Variants in TXLNG observed in about 807,000 individuals in gnomAD.
TXLNG encodes the protein gamma-taxilin.
In TXLNG, 5 loss-of-function variants were observed where a neutral mutation model predicts 38.8. The observed-to-expected ratio is 0.13, with a 90% CI of 0.07 to 0.27. TXLNG has a LOEUF of 0.27. TXLNG is among the 10% of genes least tolerant of loss of function. The pLI, the probability that TXLNG is intolerant of heterozygous loss-of-function variation, is 1.00. For missense variants in TXLNG, 393 were observed against 398.2 expected (o/e 0.99, Z 0.11); for synonymous variants, 182 against 158.2 (o/e 1.15, Z -1.13).
intron 8 of TXLNG, among the ~76,000 whole-genome samples, chrX:16,838,491 T>G (rs746425684): frequency 1.8e-5 from 2 of 112,190 alleles, no homozygotes; most frequent in South Asian, 7.3e-4. Context: ...GGACAAATTG[T>G]TAAACCTTTC....
chrX:16,828,162 A>G lies in TXLNG; in HGVS notation c.567A>G (p.Lys189=), dbSNP rs374635294. 57 of 1,209,903 alleles carry G rather than the reference A, an allele frequency of 4.7e-5. 1 individual carries two copies. The East Asian group carries it at 1.6e-3, about 35-fold the overall frequency. ...ILQKKQAQIV[K]EKVHLQSEHS... ...AGAAGAAGCAAGCCCAGATTGTGAA[A>G]GAGAAAGTTCACTTGCAGAGTGAAC... Residue 189 remains lysine (K), a synonymous_variant, in exon 4 of 10, where the codon AAA becomes AAG. Transcript: ENST00000380122.
intron 3 of TXLNG, among the ~76,000 whole-genome samples, chrX:16,823,458 CAAAAAAA>C (rs11311011): frequency 4.0e-5 from 1 of 24,959 alleles, no homozygotes; most frequent in African/African-American, 1.6e-4. Context: ...AACTCTGTCT[CAAAAAAA>C]AAAAAAAAAA....
At position 16,842,091 on chromosome X, in the gene TXLNG, G is replaced by A. The variant is rs1929870385; in HGVS notation, c.*325G>A. 1 of 187,750 alleles carries A rather than the reference G, an allele frequency of 5.3e-6. No individual in the cohort carries two copies. The highest frequency in any genetic ancestry group is 2.9e-5 in the African/African-American group (1 of 34,009). The allele number at this position is 187,750 out of a possible 1,213,427, so 15.5% of individuals were successfully genotyped here. On this transcript the variant is annotated 3_prime_UTR_variant, in exon 10 of 10. Transcript: ENST00000380122. ...CACTGACAGGGCCGACCATTACAAG[G>A]GAACTTTGTTCTGACGATGGTTCCT...
chrX:16,795,903 C>T (rs963930684), intron 1 of TXLNG, among the ~76,000 whole-genome samples: 1 of 107,915 alleles, frequency 9.3e-6, no homozygotes, highest in South Asian at 4.1e-4. Context: ...ACCTCTGCCT[C>T]CCGGGTTCAA....
At chrX:16,830,046 A>G (rs1349837885) in intron 5 of TXLNG, among the ~76,000 whole-genome samples, 1 of 111,318 alleles carries the variant, frequency 9.0e-6, no homozygotes. Flanking sequence ...CAATTTTCGC[A>G]TGTAGATTGT....
intron 1 of TXLNG, among the ~76,000 whole-genome samples, chrX:16,807,504 C>T (rs1489582531): frequency 1.8e-5 from 2 of 111,101 alleles, no homozygotes; most frequent in African/African-American, 6.5e-5. Flanking sequence ...TACTTAATCT[C>T]GTCAAGTCTC....
rs188013839 is a variant in TXLNG at position 16,798,963 on chromosome X, G to A, written c.102+12374G>A. Among the ~76,000 whole-genome samples the A allele has an allele frequency of 7.7e-3, 837 of 108,395 alleles. 12 individuals carry two copies. The highest frequency in any genetic ancestry group is 0.027 in the African/African-American group (812 of 29,761). 94.1% of individuals were successfully genotyped at this position (108,395 alleles called of 115,157 possible). A position where few individuals can be genotyped will look rare whatever the true frequency, so the allele number is the denominator to read the frequency against. ...GGCGCAATCTCAGCTCACCGCAACC[G>A]CTGCCTCCTGGGTTCAAGCGATTCT... On this transcript the variant is annotated intron_variant, in intron 1 of 9. Coordinates refer to ENST00000380122, the MANE Select transcript of TXLNG (RefSeq NM_018360.3).
At chrX:16,794,100 G>A (rs892517603) in intron 1 of TXLNG, among the ~76,000 whole-genome samples, 1 of 111,720 alleles carries the variant, frequency 9.0e-6, no homozygotes, top group African/African-American at 3.2e-5. Flanking sequence ...TGACAGGTTG[G>A]CCTCCCTATG....
intron 1 of TXLNG, among the ~76,000 whole-genome samples, chrX:16,804,300 G>A (rs1241959631): frequency 1.8e-5 from 2 of 112,003 alleles, no homozygotes; most frequent in African/African-American, 6.5e-5. Context: ...ACCTTGTATG[G>A]TTGGCCGTTA....
chrX:16,821,650 T>G (rs1278008513), intron 3 of TXLNG, among the ~76,000 whole-genome samples: 1 of 112,638 alleles, frequency 8.9e-6, no homozygotes, highest in Non-Finnish European at 1.9e-5. Flanking sequence ...GTTAATTCCA[T>G]ATCATAAGCC....
At chrX:16,805,136 G>A (rs959494874) in intron 1 of TXLNG, among the ~76,000 whole-genome samples, 12 of 107,127 alleles carry the variant, frequency 1.1e-4, no homozygotes, top group African/African-American at 2.4e-4. Context: ...GATGTGTGCC[G>A]TCACACACGG....
At chrX:16,834,608 C>T (rs997943109) in intron 7 of TXLNG, among the ~76,000 whole-genome samples, 5 of 111,415 alleles carry the variant, frequency 4.5e-5, no homozygotes, top group African/African-American at 1.6e-4. Flanking sequence ...GGAAATGCCC[C>T]GTCTCAGGCA....
intron 1 of TXLNG, among the ~76,000 whole-genome samples, chrX:16,792,714 A>G (rs1927745419): frequency 9.1e-6 from 1 of 109,340 alleles, no homozygotes; most frequent in Non-Finnish European, 1.9e-5. Flanking sequence ...CCAGGAGGTC[A>G]AGGTTGCAGT....
rs754145462 is a variant in TXLNG, at chrX:16,829,610, A to T, written c.704A>T (p.Glu235Val). The stretch of plus-strand genomic sequence containing the variant: ...ATGCAGCAGGCACGAGAGGAAGAAG[A>T]ACGACGTAAAGAAGCAACTGCACAT... ...ENMQQAREEE[E>V]RRKEATAHFQ... Residue 235 changes from glutamate to valine, a missense_variant, in exon 5 of 10, where the codon GAA becomes GTA. By Grantham distance (121) the Glu-to-Val change is moderately radical. Coordinates refer to ENST00000380122, the MANE Select transcript of TXLNG (RefSeq NM_018360.3). 1 of 1,211,683 alleles carries T rather than the reference A, an allele frequency of 8.3e-7. No homozygotes were observed. Among genetic ancestry groups the T allele is most frequent in the Non-Finnish European group, 1.1e-6 (1 of 895,491 alleles).
In TXLNG at chrX:16,795,720, C is replaced by G. The variant is rs905348323; in HGVS notation, c.102+9131C>G. ...CCCTGCCTCCAATTTATGATCCCTC[C>G]TTAGAACTCCATCATTTCTCTGGCT... On this transcript the variant is annotated intron_variant, in intron 1 of 9. Coordinates refer to ENST00000380122, the MANE Select transcript of TXLNG (RefSeq NM_018360.3). 3.6e-5 allele frequency among the ~76,000 whole-genome samples: 4 copies of G among 112,045 alleles called. No homozygotes were observed. In the East Asian group the frequency reaches 1.1e-3, roughly 31 times the overall value.
chrX:16,839,677 A>C (rs748992251), intron 8 of TXLNG, 144 bp from the exon 9 acceptor site: 1 of 393,468 alleles, frequency 2.5e-6, no homozygotes, highest in Non-Finnish European at 4.4e-6. Context: ...AGCTACTTCT[A>C]TAAAGACACA....
intron 3 of TXLNG, 123 bp downstream of exon 3, chrX:16,820,378 A>C: frequency 1.9e-6 from 1 of 523,260 alleles, no homozygotes; most frequent in South Asian, 4.4e-5. Flanking sequence ...TTTATTCTGA[A>C]ATTGAAGAAG....
chrX:16,812,899 C>G (rs189035542), intron 1 of TXLNG, among the ~76,000 whole-genome samples: 30 of 107,641 alleles, frequency 2.8e-4, no homozygotes, highest in Non-Finnish European at 5.8e-5. Context: ...CGGTGTTTCT[C>G]CATGTTGATC....
At chrX:16,838,159 CT>C (rs1202024005) in intron 8 of TXLNG, among the ~76,000 whole-genome samples, 1 of 111,731 alleles carries the variant, frequency 9.0e-6, no homozygotes, top group African/African-American at 3.3e-5. Context: ...TCTTTCTCCC[CT>C]GACCCAACCA....
Sources: allele counts gnomAD v4.1 joint callset (sites outside exome capture counted in the v4.1 genomes callset), GRCh38; gene constraint gnomAD v4.1.1; transcripts MANE v1.5; gene names NCBI Gene and HGNC (gene_info 2026-07-23, HGNC 2026-07-21).